Variants in PPEF1 observed in about 807,000 individuals in gnomAD.
PPEF1 encodes protein phosphatase with EF-hand domain 1.
In PPEF1, 12 loss-of-function variants were observed where a neutral mutation model predicts 53.3. The ratio of observed to expected loss-of-function variants is 0.23; its 90% CI spans 0.14 to 0.36. The LOEUF is 0.36. PPEF1 is among the 10% of genes least tolerant of loss of function. The pLI is 1.00. For missense variants in PPEF1, 334 were observed against 490.4 expected (o/e 0.68, Z 3.01); for synonymous variants, 165 against 176.7 (o/e 0.93, Z 0.52).
chrX:18,779,597 C>T (rs1263283937), intron 7 of PPEF1, among the ~76,000 whole-genome samples: 1 of 111,692 alleles, frequency 9.0e-6, no homozygotes, highest in East Asian at 2.8e-4. Context: ...TTCACCGATG[C>T]GTGTATTGTT....
At chrX:18,811,611 ATATATTTT>A (rs1482615952) in intron 12 of PPEF1, among the ~76,000 whole-genome samples, 120 of 14,867 alleles carry the variant, frequency 8.1e-3, no homozygotes, top group African/African-American at 8.3e-3. Flanking sequence ...ATATATATAT[ATATATTTT>A]TTTTTTTTTT....
intron 4 of PPEF1, among the ~76,000 whole-genome samples, chrX:18,754,887 C>T (rs1465033596): frequency 8.9e-6 from 1 of 111,954 alleles, no homozygotes; most frequent in Non-Finnish European, 1.9e-5. Flanking sequence ...AGGCATGAGC[C>T]ACTGCACCTG....
chrX:18,817,930 TG>T, intron 12 of PPEF1, 108 bp from the exon 13 acceptor site: 1 of 549,318 alleles, frequency 1.8e-6, no homozygotes, highest in Non-Finnish European at 2.9e-6. Flanking sequence ...TGTGAGAATC[TG>T]GGCAATTCAT....
At chrX:18,697,338 C>T (rs1418827148) in intron 4 of PPEF1, among the ~76,000 whole-genome samples, 1 of 111,640 alleles carries the variant, frequency 9.0e-6, no homozygotes, top group Non-Finnish European at 1.9e-5. Context: ...ATCTTAACAT[C>T]CGGGCACCTT....
intron 12 of PPEF1, among the ~76,000 whole-genome samples, chrX:18,807,536 T>TA (rs1289631221): frequency 1.8e-5 from 2 of 111,878 alleles, no homozygotes; most frequent in Non-Finnish European, 3.8e-5. Context: ...GTCATTGAAT[T>TA]AAAAAAAACC....
chrX:18,820,420 C>T (rs1270969626), intron 13 of PPEF1, among the ~76,000 whole-genome samples: 3 of 105,530 alleles, frequency 2.8e-5, no homozygotes, highest in African/African-American at 1.0e-4. Flanking sequence ...GAGTCTTGCT[C>T]TGTCGCCCAG....
chrX:18,708,682 C>T (rs1354729546), intron 1 of PPEF1, among the ~76,000 whole-genome samples: 2 of 111,473 alleles, frequency 1.8e-5, no homozygotes, highest in Non-Finnish European at 3.8e-5. Context: ...TACTAATTAG[C>T]GTGGGATGTT....
At chrX:18,716,515 G>C (rs1191861999) in intron 1 of PPEF1, among the ~76,000 whole-genome samples, 1 of 84,586 alleles carries the variant, frequency 1.2e-5, no homozygotes, top group Admixed American at 1.6e-4. Flanking sequence ...CTGGGCGAGA[G>C]AGCGAGACAC....
chrX:18,720,931 C>A (rs999863254), intron 1 of PPEF1, among the ~76,000 whole-genome samples: 1 of 111,355 alleles, frequency 9.0e-6, no homozygotes, highest in Admixed American at 9.6e-5. Flanking sequence ...GGAAAAGCCC[C>A]ACCTCTGGAA....
intron 6 of PPEF1, among the ~76,000 whole-genome samples, chrX:18,775,400 C>G (rs976786093): frequency 2.7e-5 from 3 of 109,137 alleles, no homozygotes; most frequent in African/African-American, 1.0e-4. Flanking sequence ...ATTTTTTGTA[C>G]TTTCAGTAGA....
chrX:18,682,488 G>A (rs1437654855), upstream of PPEF1, among the ~76,000 whole-genome samples: 1 of 111,970 alleles, frequency 8.9e-6, no homozygotes, highest in Non-Finnish European at 1.9e-5. Context: ...CATGAAAGAC[G>A]TCCACGACCT....
At chrX:18,686,330 G>C (rs1602337542) in intron 3 of PPEF1, 1 of 111,301 alleles carries the variant, frequency 9.0e-6, no homozygotes, top group East Asian at 2.8e-4. Context: ...CCCCTGGACT[G>C]GCTCTTCTCA....
chrX:18,824,473 T>C (rs1467130976), intron 14 of PPEF1, among the ~76,000 whole-genome samples: 2 of 110,658 alleles, frequency 1.8e-5, no homozygotes, highest in Non-Finnish European at 3.8e-5. Context: ...GATAATCTAA[T>C]AGATGGAGTG....
chrX:18,680,646 C>G (rs57564145), upstream of PPEF1, among the ~76,000 whole-genome samples: 1,228 of 109,737 alleles, frequency 0.011, 21 homozygotes, highest in African/African-American at 0.039. Context: ...CTTTAAGTTT[C>G]AGGGTACATG....
chrX:18,707,707 A>G lies in PPEF1; in HGVS notation c.-74A>G. ...CTAAGAGTGGTTCCTCGCAGCTTAA[A>G]GGGAGGCACTTTTCACACTCTGTCT... is the stretch of plus-strand genomic sequence containing the variant. On this transcript the variant is annotated 5_prime_UTR_variant, in exon 1 of 16. Transcript: ENST00000470157. 1 of 989,281 alleles carries G rather than the reference A, an allele frequency of 1.0e-6. No individual in the cohort carries two copies. The highest frequency in any genetic ancestry group is 3.1e-5 in the East Asian group (1 of 32,638). 81.5% of individuals were successfully genotyped at this position (989,281 alleles called of 1,213,427 possible).
At chrX:18,783,036 C>T (rs373714282) in intron 8 of PPEF1, among the ~76,000 whole-genome samples, 3 of 105,495 alleles carry the variant, frequency 2.8e-5, no homozygotes, top group African/African-American at 1.1e-4. Context: ...TACTTGAACC[C>T]AGGAGGCGGA....
chrX:18,740,479 G>A (rs1043982001), intron 3 of PPEF1, among the ~76,000 whole-genome samples: 5 of 106,995 alleles, frequency 4.7e-5, no homozygotes, highest in Non-Finnish European at 7.7e-5. Context: ...GCACGGTCTC[G>A]GCTCACTGCA....
At chrX:18,793,341 C>T (rs186266699) in intron 10 of PPEF1, among the ~76,000 whole-genome samples, 9 of 111,261 alleles carry the variant, frequency 8.1e-5, no homozygotes, top group Non-Finnish European at 1.3e-4. Context: ...TTAATTTCTA[C>T]ATATTTATGA....
chrX:18,749,674 AT>A, intron 3 of PPEF1, 117 bp from the exon 4 acceptor site: 1 of 521,198 alleles, frequency 1.9e-6, no homozygotes, highest in Non-Finnish European at 3.1e-6. Flanking sequence ...TATGCAGAAC[AT>A]TTAGCACAGT....
Sources: allele counts gnomAD v4.1 joint callset (sites outside exome capture counted in the v4.1 genomes callset), GRCh38; gene constraint gnomAD v4.1.1; transcripts MANE v1.5; gene names NCBI Gene and HGNC (gene_info 2026-07-23, HGNC 2026-07-21).